EML6: variants seen among roughly 807,000 people sequenced by gnomAD.
EML6 encodes echinoderm microtubule-associated protein-like 6.
In EML6, 154 loss-of-function variants were observed where a neutral mutation model predicts 240.1. The ratio of observed to expected loss-of-function variants is 0.64; its 90% CI spans 0.56 to 0.73. The LOEUF is 0.73. EML6 is among the 30% of genes least tolerant of loss of function. The probability of loss-of-function intolerance (pLI) is 0.00; values close to 1 mark genes in which losing one functional copy is unlikely to be tolerated. For synonymous variants in EML6, 1,148 were observed against 899.0 expected, an observed-to-expected ratio of 1.28 and a Z score of -4.95; for missense variants, 2,964 against 2,474.6, an observed-to-expected ratio of 1.20 and a Z score of -4.20.
rs547955100 is a variant in EML6 at position 54,876,534 on chromosome 2, T to A, written c.2345-3013T>A. Among the ~76,000 whole-genome samples the A allele has an allele frequency of 3.9e-4, 59 of 152,344 alleles. 1 individual carries two copies. The South Asian group carries it at 0.011, about 29-fold the overall frequency. On this transcript the variant is annotated intron_variant, in intron 16 of 41. Transcript: ENST00000356458. ...GCAAAATCAGCTTATCCTTAGGCCTTCTTCAGATGACATAAAACTTTATTA... is the reference window on the plus strand; with the variant it reads ...GCAAAATCAGCTTATCCTTAGGCCTACTTCAGATGACATAAAACTTTATTA...
chr2:54,827,746 C>G lies in EML6; in HGVS notation c.706C>G (p.His236Asp), dbSNP rs1269020313. The G allele has an allele frequency of 6.4e-7, 1 of 1,550,604 alleles. No individual in the cohort carries two copies. Among genetic ancestry groups the G allele is most frequent in the Non-Finnish European group, 8.7e-7 (1 of 1,146,142 alleles). Residue 236 changes from histidine (H) to aspartate (D), a missense_variant, in exon 6 of 42, where the codon CAT becomes GAT. Transcript: ENST00000356458. ...LNLVRTIQGA[H>D]SAGIFSMYAC... ...TTTAGTCCGCACCATTCAAGGAGCA[C>G]ATAGTGTAAGTATTACCTTGTGGAA...
At chr2:54,807,326 G>T (rs932767771) in intron 2 of EML6, among the ~76,000 whole-genome samples, 3 of 152,192 alleles carry the variant, frequency 2.0e-5, no homozygotes, top group African/African-American at 7.2e-5. Flanking sequence ...CAACATTTGT[G>T]TTGGAACTAC....
chr2:54,924,036 C>T (rs1478175872), intron 26 of EML6, among the ~76,000 whole-genome samples: 1 of 152,170 alleles, frequency 6.6e-6, no homozygotes, highest in African/African-American at 2.4e-5. Context: ...CTATGATGAA[C>T]ATACTTTTCC....
In EML6 at chr2:54,895,338, G is replaced by T; in HGVS notation, c.2920G>T (p.Gly974Ter). The change falls in exon 21 of 42, where the codon GGA (glycine) becomes TGA (stop). Residue 974 changes from glycine (G) to a stop codon, truncating the protein, a stop_gained. Transcript: ENST00000356458. LOFTEE classifies it high-confidence loss of function. ...ITLGHGHILV[G>*]TKNGEILEID... is the part of the protein sequence containing the mutation. Reference sequence around the variant, plus strand: ...TTTGGGACATGGACATATCCTGGTGGGAACAAAAAATGGAGAGATTCTGGA... The same window carrying T: ...TTTGGGACATGGACATATCCTGGTGTGAACAAAAAATGGAGAGATTCTGGA... 6.4e-7 allele frequency: 1 copy of T among 1,551,824 alleles called. No individual in the cohort carries two copies. Among genetic ancestry groups the T allele is most frequent in the Non-Finnish European group, 8.7e-7 (1 of 1,146,922 alleles).
rs142195347 is a variant in EML6, at chr2:54,930,666, C to G, written c.4004+1915C>G. 1.5e-3 allele frequency among the ~76,000 whole-genome samples: 225 copies of G among 152,166 alleles called. 1 individual carries two copies. Among genetic ancestry groups the G allele is most frequent in the African/African-American group, 4.9e-3 (204 of 41,520 alleles). ...TAAGTATAGGGTCTGGAGGAGTAAT[C>G]AAACCTTTTCTGTAGAGAGCAGCTT... On this transcript the variant is annotated intron_variant, in intron 28 of 41. Transcript: ENST00000356458.
intron 2 of EML6, among the ~76,000 whole-genome samples, chr2:54,762,866 T>A (rs1389329224): frequency 1.3e-5 from 2 of 152,216 alleles, no homozygotes; most frequent in African/African-American, 4.8e-5. Flanking sequence ...TGATCTGTGA[T>A]CATTGCTGTG....
Position 54,928,501 on chromosome 2 carries a change from G to A in EML6, c.3864G>A (p.Val1288=). The A allele has an allele frequency of 1.9e-6, 3 of 1,545,204 alleles. No individual in the cohort carries two copies. Among genetic ancestry groups the A allele is most frequent in the Admixed American group, 2.0e-5 (1 of 50,752 alleles). ...LVDSEESDTD[V]EEDGGYDSDV... ...ACAGCGAGGAGTCAGACACCGACGTGGAAGAGGATGGAGGTGAGCCCCCCA... is the reference window on the plus strand; with the variant it reads ...ACAGCGAGGAGTCAGACACCGACGTAGAAGAGGATGGAGGTGAGCCCCCCA... The change falls in exon 27 of 42, where the codon GTG becomes GTA. Residue 1288 remains valine, a synonymous_variant. Coordinates refer to ENST00000356458, the MANE Select transcript of EML6 (RefSeq NM_001039753.4).
Position 54,953,994 on chromosome 2 carries a change from T to C in EML6, c.4324T>C (p.Ser1442Pro). The change falls in exon 32 of 42, where the codon TCC becomes CCC. Residue 1442 changes from serine (S) to proline (P), a missense_variant. By Grantham distance (74) the Ser-to-Pro change is moderately conservative (BLOSUM62 -1). Transcript: ENST00000356458. ...VATSQIGTTP[S>P]IHIWDAMTKH... ...CTCTCCACACTCAGGGACAACACCT[T>C]CCATCCACATATGGGACGCCATGAC... 6.4e-7 allele frequency: 1 copy of C among 1,551,054 alleles called. No homozygotes were observed. Among genetic ancestry groups the C allele is most frequent in the East Asian group, 2.4e-5 (1 of 40,892 alleles).
intron 2 of EML6, among the ~76,000 whole-genome samples, chr2:54,727,474 G>A (rs965529054): frequency 6.6e-6 from 1 of 152,184 alleles, no homozygotes; most frequent in Non-Finnish European, 1.5e-5. Flanking sequence ...TCTTACATAT[G>A]TAAATATCTT....
intron 24 of EML6, among the ~76,000 whole-genome samples, chr2:54,904,987 G>A (rs908994200): frequency 1.3e-5 from 2 of 152,182 alleles, no homozygotes; most frequent in African/African-American, 4.8e-5. Flanking sequence ...GTTTTATACG[G>A]TGCAGTAGAT....
intron 11 of EML6, 112 bp from the exon 12 acceptor site, chr2:54,859,422 T>C (rs1161631416): frequency 1.2e-5 from 10 of 803,702 alleles, no homozygotes; most frequent in Non-Finnish European, 1.8e-5. Context: ...GGAACATCGT[T>C]TTCAGATATA....
At chr2:54,845,318 G>A (rs1180409756) in intron 8 of EML6, among the ~76,000 whole-genome samples, 2 of 152,108 alleles carry the variant, frequency 1.3e-5, no homozygotes, top group African/African-American at 4.8e-5. Flanking sequence ...TTGTCTTTCT[G>A]TTACTCTTGA....
At position 54,827,741 on chromosome 2, in the gene EML6, G is replaced by A. The variant is rs1668665375; in HGVS notation, c.701G>A (p.Gly234Glu). 1 of 1,551,214 alleles carries A rather than the reference G, an allele frequency of 6.4e-7. No homozygotes were observed. Among genetic ancestry groups the A allele is most frequent in the Non-Finnish European group, 8.7e-7 (1 of 1,146,602 alleles). Residue 234 changes from glycine to glutamate, a missense_variant, in exon 6 of 42, where the codon GGA (glycine) becomes GAA (glutamate). By Grantham distance (98) the Gly-to-Glu change is moderately conservative. Coordinates refer to ENST00000356458, the MANE Select transcript of EML6 (RefSeq NM_001039753.4). The stretch of plus-strand genomic sequence containing the variant: ...CTCAATTTAGTCCGCACCATTCAAG[G>A]AGCACATAGTGTAAGTATTACCTTG... ...KGLNLVRTIQ[G>E]AHSAGIFSMY...
chr2:54,959,352 A>G, intron 34 of EML6, 91 bp downstream of exon 34: 1 of 1,240,830 alleles, frequency 8.1e-7, no homozygotes. Flanking sequence ...GAAAATGCAG[A>G]CTGTCATCCT....
intron 2 of EML6, among the ~76,000 whole-genome samples, chr2:54,760,822 ATTTT>A (rs200476039): frequency 8.3e-6 from 1 of 120,404 alleles, no homozygotes; most frequent in Non-Finnish European, 1.7e-5. Context: ...TTGAGGGAGC[ATTTT>A]TTTTTTTTTT....
intron 32 of EML6, among the ~76,000 whole-genome samples, chr2:54,955,391 G>A (rs558046082): frequency 6.6e-6 from 1 of 152,142 alleles, no homozygotes; most frequent in East Asian, 1.9e-4. Context: ...CCTTTCAAGG[G>A]GTGTGGCTTT....
At chr2:54,963,213 T>G (rs547905474) in intron 36 of EML6, among the ~76,000 whole-genome samples, 56 of 152,246 alleles carry the variant, frequency 3.7e-4, no homozygotes, top group Non-Finnish European at 7.3e-4. Flanking sequence ...TTCAACTAAT[T>G]AAAATACTTG....
intron 2 of EML6, among the ~76,000 whole-genome samples, chr2:54,757,430 G>A (rs995923811): frequency 6.6e-5 from 10 of 152,120 alleles, no homozygotes; most frequent in Non-Finnish European, 1.0e-4. Context: ...CTCTTGTGTT[G>A]GTCAGTTTCC....
chr2:54,850,253 AG>A, intron 10 of EML6, 35 bp downstream of exon 10: 1 of 1,538,158 alleles, frequency 6.5e-7, no homozygotes, highest in Non-Finnish European at 8.8e-7. Flanking sequence ...GTTTCTGGAA[AG>A]CAAAATTTTG....
Sources: allele counts gnomAD v4.1 joint callset (sites outside exome capture counted in the v4.1 genomes callset), GRCh38; gene constraint gnomAD v4.1.1; transcripts MANE v1.5; gene names NCBI Gene and HGNC (gene_info 2026-07-23, HGNC 2026-07-21).